Variants in TRIOBP observed in about 807,000 individuals in gnomAD.
TRIOBP encodes TRIO and F-actin binding protein.
Under a neutral mutation model 238.8 loss-of-function variants are expected in TRIOBP, and 169 were observed. The observed-to-expected ratio is 0.71, with a 90% CI of 0.62 to 0.80. TRIOBP has a LOEUF of 0.80. Ranked by LOEUF, TRIOBP falls within the 30% of genes least tolerant of loss-of-function variation. The probability of loss-of-function intolerance (pLI) is 0.00; values close to 1 mark genes in which losing one functional copy is unlikely to be tolerated. For missense variants in TRIOBP, 2,838 were observed against 3,122.6 expected (o/e 0.91, Z 2.17); for synonymous variants, 1,150 against 1,274.4 (o/e 0.90, Z 2.08).
chr22:37,765,626 A>G lies in TRIOBP; in HGVS notation c.6325-44A>G, dbSNP rs549944893. On this transcript the variant is annotated intron_variant, in intron 17 of 23. Coordinates refer to ENST00000644935, the MANE Select transcript of TRIOBP (RefSeq NM_001039141.3). ...GGAGGCTGGGGAAGGGCCGCTGTCC[A>G]GAGGAACGGGGCAGCCTGTGACACC... The G allele has an allele frequency of 9.7e-6, 15 of 1,547,840 alleles. No homozygotes were observed. In the African/African-American group the frequency reaches 2.1e-4, roughly 21 times the overall value.
rs1375466528 is a variant in TRIOBP at position 37,733,368 on chromosome 22, A to G, written c.4018A>G (p.Ser1340Gly). The G allele has an allele frequency of 6.4e-7, 1 of 1,551,468 alleles. No individual in the cohort carries two copies. The change falls in exon 8 of 24, where the codon AGC becomes GGC. Residue 1340 changes from serine to glycine, a missense_variant. Ser to Gly is a moderately conservative substitution (Grantham distance 56, BLOSUM62 0). This residue lies in a region of TRIOBP where 2,096 missense variants were observed against 2,137.4 expected (regional missense o/e 0.98). Coordinates refer to ENST00000644935, the MANE Select transcript of TRIOBP (RefSeq NM_001039141.3). ...GRSQQPSQGQSQLLRRQSSPA... is the reference protein window; with the variant it reads ...GRSQQPSQGQGQLLRRQSSPA... ...GTCACAGCAGCCCAGCCAAGGCCAG[A>G]GCCAACTTCTCCGAAGACAGTCCAG...
chr22:37,767,969 G>C, intron 18 of TRIOBP, 105 bp from the exon 19 acceptor site: 33 of 848,166 alleles, frequency 3.9e-5, no homozygotes, highest in Non-Finnish European at 6.3e-5. Flanking sequence ...ACTATGTGGA[G>C]TCCACATAGT....
chr22:37,768,947 G>A (rs1350452086), intron 19 of TRIOBP, 81 bp from the exon 20 acceptor site: 3 of 1,601,212 alleles, frequency 1.9e-6, no homozygotes, highest in Admixed American at 3.3e-5. Context: ...GTCCTGGGAT[G>A]CTTTAAGTCT....
intron 3 of TRIOBP, among the ~76,000 whole-genome samples, chr22:37,708,609 G>T (rs1434243904): frequency 6.6e-6 from 1 of 152,244 alleles, no homozygotes; most frequent in Non-Finnish European, 1.5e-5. Flanking sequence ...CCCCTAGGAG[G>T]TGGGTCCTGC....
chr22:37,769,013 C>G lies in TRIOBP; in HGVS notation c.6576-15C>G, dbSNP rs372105900. On this transcript the variant is annotated splice_polypyrimidine_tract_variant and intron_variant, in intron 19 of 23. Coordinates refer to ENST00000644935, the MANE Select transcript of TRIOBP (RefSeq NM_001039141.3). ...AAGACAACCTATGCTCTCCTCTGCT[C>G]CTCCTCTGGGGCAGGTCAGATGTGG... 1.2e-6 allele frequency: 2 copies of G among 1,613,136 alleles called. No individual in the cohort carries two copies. Among genetic ancestry groups the G allele is most frequent in the East Asian group, 2.2e-5 (1 of 44,876 alleles).
At chr22:37,765,926 T>C (rs891113136) in intron 18 of TRIOBP, 109 bp downstream of exon 18, 32 of 1,391,298 alleles carry the variant, frequency 2.3e-5, no homozygotes, top group Non-Finnish European at 3.0e-5. Flanking sequence ...GGGGTCTCAG[T>C]GCCACATTTG....
rs372263310 is a variant in TRIOBP at position 37,724,300 on chromosome 22, C to T, written c.1744C>T (p.Arg582Trp). ...CAACCCCAGAACATCCTGTGCCCAG[C>T]GGGACAATCCCAGAGCCTCCTCTCC... is the stretch of plus-strand genomic sequence containing the variant. ...RDNPRTSCAQ[R>W]DNPRASSPNR... is the part of the protein sequence containing the mutation. The change falls in exon 7 of 24, where the codon CGG becomes TGG. Residue 582 changes from arginine to tryptophan, a missense_variant. By Grantham distance (101) the Arg-to-Trp change is moderately radical. Coordinates refer to ENST00000644935, the MANE Select transcript of TRIOBP (RefSeq NM_001039141.3). The T allele has an allele frequency of 5.1e-5, 80 of 1,578,906 alleles. No homozygotes were observed. Among genetic ancestry groups the T allele is most frequent in the Non-Finnish European group, 6.0e-5 (70 of 1,168,380 alleles).
chr22:37,758,265 G>A, intron 16 of TRIOBP, 127 bp downstream of exon 16: 12 of 1,222,310 alleles, frequency 9.8e-6, no homozygotes, highest in Non-Finnish European at 1.4e-5. Context: ...TCTGCTGTGA[G>A]TGTGCACCCC....
rs1242400039 is a variant in TRIOBP, at chr22:37,757,640, G to A, written c.5715G>A (p.Ala1905=). The A allele has an allele frequency of 3.8e-6, 6 of 1,589,600 alleles. No individual in the cohort carries two copies. The highest frequency in any genetic ancestry group is 2.3e-5 in the South Asian group (2 of 87,730). The change falls in exon 16 of 24, where the codon GCG becomes GCA. Residue 1905 remains alanine, a synonymous_variant. Transcript: ENST00000644935. Reference sequence around the variant, plus strand: ...TCTCGGACTCTAACAAGGAGAACGCGCTGCACAGCTACAGCACCCAGAAGG... The same window carrying A: ...TCTCGGACTCTAACAAGGAGAACGCACTGCACAGCTACAGCACCCAGAAGG... ...TKLSDSNKEN[A]LHSYSTQKGP... is the part of the protein sequence containing the mutation.
rs1230279310 is a variant in TRIOBP, at chr22:37,758,065, C to G, written c.6140C>G (p.Thr2047Ser). ...PLRENKRVPLTALLNQSRGER... is the reference protein window; with the variant it reads ...PLRENKRVPLSALLNQSRGER... ...CGGGAGAATAAGCGGGTGCCCCTCA[C>G]TGCCCTGCTCAACCAAAGCCGCGGA... Residue 2047 changes from threonine (T) to serine (S), a missense_variant, in exon 16 of 24, where the codon ACT (threonine) becomes AGT (serine). Thr to Ser is a moderately conservative substitution (Grantham distance 58). Coordinates refer to ENST00000644935, the MANE Select transcript of TRIOBP (RefSeq NM_001039141.3). The G allele has an allele frequency of 5.0e-6, 8 of 1,611,678 alleles. No homozygotes were observed. The South Asian group carries it at 8.8e-5, about 18-fold the overall frequency.
At chr22:37,737,174 C>T (rs931015647) in intron 9 of TRIOBP, among the ~76,000 whole-genome samples, 1 of 152,174 alleles carries the variant, frequency 6.6e-6, no homozygotes, top group Non-Finnish European at 1.5e-5. Flanking sequence ...CTGGGTGCCA[C>T]AGGCCGGCCA....
In TRIOBP at chr22:37,757,778, G is replaced by A. The variant is rs55821172; in HGVS notation, c.5853G>A (p.Leu1951=). ...TGGACTACGTGGAGCTCTCGCCGCT[G>A]ACCCAGGCTTCCCCGCAGCGGGCCC... is the stretch of plus-strand genomic sequence containing the variant. ...QALDYVELSP[L]TQASPQRART... Residue 1951 remains leucine, a synonymous_variant, in exon 16 of 24, where the codon CTG becomes CTA. Coordinates refer to ENST00000644935, the MANE Select transcript of TRIOBP (RefSeq NM_001039141.3). 5.8e-4 allele frequency: 899 copies of A among 1,551,170 alleles called. 1 individual carries two copies. Among genetic ancestry groups the A allele is most frequent in the Non-Finnish European group, 7.6e-4 (872 of 1,147,324 alleles).
chr22:37,733,165 C>T, intron 7 of TRIOBP, 133 bp from the exon 8 acceptor site: 1 of 723,582 alleles, frequency 1.4e-6, no homozygotes, highest in Non-Finnish European at 2.5e-6. Context: ...GTCATCCTCA[C>T]TTAGGGCCCT....
intron 3 of TRIOBP, among the ~76,000 whole-genome samples, chr22:37,709,554 C>T (rs1189287228): frequency 1.3e-5 from 2 of 152,220 alleles, no homozygotes; most frequent in Non-Finnish European, 2.9e-5. Context: ...TGACAGTCGA[C>T]AGCCACCACC....
In TRIOBP at chr22:37,737,649, A is replaced by G. The variant is rs1024774768; in HGVS notation, c.5107-993A>G. ...GCACTCCAGCCTGGGTGACAGAGCG[A>G]GACTCCATCTCAAAAAAAAAAAAAA... On this transcript the variant is annotated intron_variant, in intron 9 of 23. Transcript: ENST00000644935. Among the ~76,000 whole-genome samples the G allele has an allele frequency of 2.9e-3, 399 of 138,488 alleles. 1 individual carries two copies. The highest frequency in any genetic ancestry group is 0.011 in the African/African-American group (382 of 35,418). 90.9% of individuals were successfully genotyped at this position (138,488 alleles called of 152,430 possible). A position where few individuals can be genotyped will look rare whatever the true frequency, so the allele number is the denominator to read the frequency against.
intron 3 of TRIOBP, among the ~76,000 whole-genome samples, chr22:37,703,654 G>A (rs555195254): frequency 3.1e-4 from 47 of 151,696 alleles, no homozygotes; most frequent in Admixed American, 2.1e-3. Flanking sequence ...ACAGGCACCC[G>A]GCACCACGCC....
chr22:37,730,968 G>A, intron 7 of TRIOBP, among the ~76,000 whole-genome samples: 2 of 134,084 alleles, frequency 1.5e-5, no homozygotes, highest in South Asian at 2.4e-4. Flanking sequence ...AAAAAAAAAA[G>A]TTACAAACAG....
intron 16 of TRIOBP, 29 bp from the exon 17 acceptor site, chr22:37,759,125 G>A: frequency 6.3e-7 from 1 of 1,578,774 alleles, no homozygotes; most frequent in Non-Finnish European, 8.6e-7. Context: ...CAGCTTCCAG[G>A]TCCCACTGAC....
In TRIOBP at chr22:37,765,830, G is replaced by GT. The variant is rs541980281; in HGVS notation, c.6472+13_6472+14insT. On this transcript the variant is annotated intron_variant, in intron 18 of 23. Transcript: ENST00000644935. Reference sequence around the variant, plus strand: ...GCCACGGCCTCAGGTATGGACCCTGGGGGGGGCACAGTGGGCTGGGCTCTG... The same window carrying GT: ...GCCACGGCCTCAGGTATGGACCCTGGTGGGGGGCACAGTGGGCTGGGCTCTG... The GT allele has an allele frequency of 3.1e-4, 497 of 1,587,012 alleles. No homozygotes were observed. Among genetic ancestry groups the GT allele is most frequent in the African/African-American group, 1.2e-3 (88 of 74,506 alleles).
Sources: gnomAD v4.1 joint callset for allele counts (sites outside exome capture counted in the v4.1 genomes callset) on GRCh38, gnomAD v4.1.1 for gene constraint, gnomAD v4.1.1 regional missense constraint, MANE v1.5 for transcripts, NCBI Gene and HGNC (gene_info 2026-07-23, HGNC 2026-07-21) for gene names.